Variants in TONSL observed in about 807,000 individuals in gnomAD.
TONSL encodes tonsoku-like protein.
In TONSL, 112 loss-of-function variants were observed where a neutral mutation model predicts 147.1. That is an observed-to-expected ratio of 0.76 (90% CI 0.65 to 0.89). The LOEUF is 0.89. TONSL is among the 40% of genes least tolerant of loss of function. TONSL has a pLI of 0.00. For missense variants in TONSL, 1,883 were observed against 1,864.6 expected (o/e 1.01, Z -0.18); for synonymous variants, 868 against 801.5 (o/e 1.08, Z -1.40).
rs1823751745 is a variant in TONSL, at chr8:144,442,337, G to A, written c.654C>T (p.His218=). ...LGTIHWRAGQ[H]SQAMRCLEGA... Reference sequence around the variant, plus strand: ...CCTCCAAGCAGCGCATAGCCTGGGAGTGCTGGCCCGCGCGCCAGTGGATGG... The same window carrying A: ...CCTCCAAGCAGCGCATAGCCTGGGAATGCTGGCCCGCGCGCCAGTGGATGG... Residue 218 remains histidine (H), a synonymous_variant, in exon 6 of 26, where the codon CAC becomes CAT. Transcript: ENST00000409379. The A allele has an allele frequency of 1.9e-6, 3 of 1,593,970 alleles. No homozygotes were observed. The highest frequency in any genetic ancestry group is 2.6e-6 in the Non-Finnish European group (3 of 1,166,362).
chr8:144,443,668 T>C (rs1322930377), intron 3 of TONSL, among the ~76,000 whole-genome samples: 1 of 152,292 alleles, frequency 6.6e-6, no homozygotes, highest in East Asian at 1.9e-4. Context: ...TCAGTAATGG[T>C]TTCTGGTGCC....
At chr8:144,440,537 T>C (rs1823671815) in intron 9 of TONSL, 61 bp from the exon 10 acceptor site, 2 of 1,541,212 alleles carry the variant, frequency 1.3e-6, no homozygotes, top group African/African-American at 2.7e-5. Flanking sequence ...CGGGCCCCAG[T>C]CAAGCTTCCC....
In TONSL at chr8:144,435,036, A is replaced by G; in HGVS notation, c.2987T>C (p.Val996Ala). The change falls in exon 19 of 26, where the codon GTG (valine) becomes GCG (alanine). Residue 996 changes from valine (V) to alanine (A), a missense_variant. Physicochemically the swap from Val to Ala is moderately conservative, Grantham distance 64. Transcript: ENST00000409379. ...GCTCACCTCGTCATTGCTCTGCAGC[A>G]CATCAGGGATGAGGTCCTGTGGGGC... ...LLAPQDLIPD[V>A]LQSNDEVLAE... 6.2e-7 allele frequency: 1 copy of G among 1,612,510 alleles called. No individual in the cohort carries two copies. The highest frequency in any genetic ancestry group is 2.2e-5 in the East Asian group (1 of 44,860).
chr8:144,433,650 G>A lies in TONSL; in HGVS notation c.3497C>T (p.Ala1166Val). The A allele has an allele frequency of 8.1e-6, 13 of 1,613,320 alleles. No individual in the cohort carries two copies. The South Asian group carries it at 1.1e-4, about 14-fold the overall frequency. The change falls in exon 22 of 26, where the codon GCG becomes GTG. Residue 1166 changes from alanine to valine, a missense_variant. Transcript: ENST00000409379. ...AAAGAAGCTGGGGCCGAAGCCACAC[G>A]CCTGCAGGCGCAGGGTGCTGAGTAA... is the stretch of plus-strand genomic sequence containing the variant. ...CPLLSTLRLQ[A>V]CGFGPSFFLS...
At chr8:144,434,922 TC>T in intron 19 of TONSL, 33 bp from the exon 20 acceptor site, 1 of 1,612,466 alleles carries the variant, frequency 6.2e-7, no homozygotes, top group Non-Finnish European at 8.5e-7. Context: ...ACCTGGGGGC[TC>T]CCCCGGCTCA....
chr8:144,434,969 G>A (rs1378586694), intron 19 of TONSL, 48 bp downstream of exon 19: 2 of 1,611,310 alleles, frequency 1.2e-6, no homozygotes, highest in Non-Finnish European at 1.7e-6. Flanking sequence ...GCCACCCGGG[G>A]GCTCCCGGTG....
rs1433047394 is a variant in TONSL, at chr8:144,442,766, G to A, written c.489C>T (p.Arg163=). Residue 163 remains arginine, a synonymous_variant, in exon 5 of 26, where the codon CGC becomes CGT. Transcript: ENST00000409379. ...AQGELNEMRT[R]LYLNLGLTFE... is the part of the protein sequence containing the mutation. Reference sequence around the variant, plus strand: ...AGGTGAGGCCCAGGTTGAGATAGAGGCGGGTCCTCATCTCATTCAGCTCTC... The same window carrying A: ...AGGTGAGGCCCAGGTTGAGATAGAGACGGGTCCTCATCTCATTCAGCTCTC... The A allele has an allele frequency of 3.7e-6, 6 of 1,612,882 alleles. No individual in the cohort carries two copies. Among genetic ancestry groups the A allele is most frequent in the Non-Finnish European group, 5.1e-6 (6 of 1,179,918 alleles).
At chr8:144,435,362 C>A in intron 18 of TONSL, 112 bp downstream of exon 18, 1 of 1,257,044 alleles carries the variant, frequency 8.0e-7, no homozygotes, top group Non-Finnish European at 1.1e-6. Flanking sequence ...CAGGATCCTC[C>A]TGGAACACAC....
At chr8:144,431,030 C>T in intron 24 of TONSL, 48 bp downstream of exon 24, 2 of 1,605,714 alleles carry the variant, frequency 1.2e-6, no homozygotes, top group East Asian at 2.2e-5. Context: ...GGTCCAGAGC[C>T]ATGAGATCAG....
intron 22 of TONSL, 26 bp from the exon 23 acceptor site, chr8:144,432,486 C>CCCCGTGG: frequency 6.6e-7 from 1 of 1,517,718 alleles, no homozygotes; most frequent in Non-Finnish European, 8.8e-7. Context: ...AATCCGTCAG[C>CCCCGTGG]CCCACGTGGC....
At chr8:144,444,101 C>G (rs1034155828) in intron 2 of TONSL, 77 bp from the exon 3 acceptor site, 1 of 1,312,422 alleles carries the variant, frequency 7.6e-7, no homozygotes, top group African/African-American at 1.5e-5. Context: ...GCCGGAAGAG[C>G]CCGTCGCCCC....
At chr8:144,442,569 G>GCCCACA (rs1823760373) in intron 5 of TONSL, 108 bp downstream of exon 5, 1 of 1,511,664 alleles carries the variant, frequency 6.6e-7, no homozygotes, top group African/African-American at 1.4e-5. Context: ...GGGGGATGAG[G>GCCCACA]CCCAGCCAGA....
In TONSL at chr8:144,442,698, C is replaced by T. The variant is rs146629620; in HGVS notation, c.557G>A (p.Arg186Lys). 108 of 1,612,816 alleles carry T rather than the reference C, an allele frequency of 6.7e-5. 1 individual carries two copies. Among genetic ancestry groups the T allele is most frequent in the African/African-American group, 2.7e-5 (2 of 74,938 alleles). The change falls in exon 5 of 26, where the codon AGG (arginine) becomes AAG (lysine). Residue 186 changes from arginine to lysine, a missense_variant. By Grantham distance (26) the Arg-to-Lys change is conservative. Transcript: ENST00000409379. Reference sequence around the variant, plus strand: ...TTACTCCGCAAGGAAGATGCTCTTCCTGAAGTAATCGTTGCACAGGGCTGT... The same window carrying T: ...TTACTCCGCAAGGAAGATGCTCTTCTTGAAGTAATCGTTGCACAGGGCTGT... Reference protein sequence around the residue: ...QQTALCNDYFRKSIFLAEQNH... With the variant: ...QQTALCNDYFKKSIFLAEQNH...
chr8:144,429,005 G>A lies in TONSL; in HGVS notation c.*138C>T. On this transcript the variant is annotated 3_prime_UTR_variant, in exon 26 of 26. Coordinates refer to ENST00000409379, the MANE Select transcript of TONSL (RefSeq NM_013432.5). ...GGGGTTTCACCATGTTAGCCAGGAT[G>A]GTCTCGATCTCCTGACCTCGTGATC... The A allele has an allele frequency of 1.0e-6, 1 of 964,142 alleles. No individual in the cohort carries two copies. The highest frequency in any genetic ancestry group is 1.5e-6 in the Non-Finnish European group (1 of 688,496). 59.7% of individuals were successfully genotyped at this position (964,142 alleles called of 1,614,324 possible). A position where few individuals can be genotyped will look rare whatever the true frequency, so the allele number is the denominator to read the frequency against.
chr8:144,435,696 C>CT lies in TONSL; in HGVS notation c.2736dup (p.Glu913ArgfsTer41). 2.5e-6 allele frequency: 4 copies of CT among 1,610,946 alleles called. No homozygotes were observed. The highest frequency in any genetic ancestry group is 2.5e-6 in the Non-Finnish European group (3 of 1,178,452). On this transcript the variant is annotated frameshift_variant, in exon 17 of 26. Coordinates refer to ENST00000409379, the MANE Select transcript of TONSL (RefSeq NM_013432.5). LOFTEE classifies it high-confidence loss of function. ...GCCGCAGAGCTGTCCCCACTGGGCT[C>CT]TGAGACCCTGGGGGTGCTGGGGCTC...
rs1586685560 is a variant in TONSL at position 144,434,806 on chromosome 8, C to G, written c.3085+5G>C. 6.2e-7 allele frequency: 1 copy of G among 1,613,318 alleles called. No homozygotes were observed. Among genetic ancestry groups the G allele is most frequent in the East Asian group, 2.2e-5 (1 of 44,876 alleles). ...CCCAGAAACTGCAGCTCTCCTGGCC[C>G]TCACCTTGCCCCAGGCTCTGGCAGG... On this transcript the variant is annotated splice_donor_5th_base_variant and intron_variant, in intron 20 of 25. Coordinates refer to ENST00000409379, the MANE Select transcript of TONSL (RefSeq NM_013432.5).
chr8:144,431,208 G>A, intron 23 of TONSL, 57 bp from the exon 24 acceptor site: 1 of 1,569,836 alleles, frequency 6.4e-7, no homozygotes, highest in Non-Finnish European at 8.8e-7. Context: ...TGCCCTGCCT[G>A]CTTCCCAGCA....
intron 6 of TONSL, 31 bp downstream of exon 6, chr8:144,442,210 G>A (rs749860690): frequency 4.1e-5 from 65 of 1,590,642 alleles, no homozygotes; most frequent in Non-Finnish European, 5.3e-5. Flanking sequence ...ATCTACGAGA[G>A]CCTGAGCTCG....
At chr8:144,442,575 C>T (rs970193605) in intron 5 of TONSL, 102 bp downstream of exon 5, 2 of 1,521,514 alleles carry the variant, frequency 1.3e-6, no homozygotes, top group African/African-American at 1.4e-5. Context: ...TGAGGCCCAG[C>T]CAGACTGCTC....
Sources: gnomAD v4.1 joint callset for allele counts (sites outside exome capture counted in the v4.1 genomes callset) on GRCh38, gnomAD v4.1.1 for gene constraint, MANE v1.5 for transcripts, NCBI Gene and HGNC (gene_info 2026-07-23, HGNC 2026-07-21) for gene names.